CCR6: variants seen among roughly 807,000 people sequenced by gnomAD.
CCR6 encodes C-C chemokine receptor type 6.
In CCR6, 2 loss-of-function variants were observed where a neutral mutation model predicts 3.0. That is an observed-to-expected ratio of 0.66 (90% CI 0.27 to 2.07). The LOEUF (loss-of-function observed/expected upper bound fraction) is 2.07, where lower values mean the gene tolerates loss of function less well. CCR6 is among the 30% of genes most tolerant of loss of function. CCR6 has a pLI of 0.14. For synonymous variants in CCR6, 193 were observed against 184.3 expected, an observed-to-expected ratio of 1.05 and a Z score of -0.38; for missense variants, 322 against 462.8, an observed-to-expected ratio of 0.70 and a Z score of 2.79.
intron 1 of CCR6, among the ~76,000 whole-genome samples, chr6:167,130,820 G>T (rs1404105537): frequency 1.3e-5 from 2 of 151,194 alleles, no homozygotes; most frequent in African/African-American, 4.9e-5. Context: ...AATTAAAGTA[G>T]TGTCTTATGA....
chr6:167,117,409 T>TTCTTTC (rs1562554698), intron 1 of CCR6, among the ~76,000 whole-genome samples: 1 of 132,494 alleles, frequency 7.5e-6, no homozygotes, highest in African/African-American at 2.9e-5. Context: ...TTTTCTTTTT[T>TTCTTTC]TTTTTCTTTT....
chr6:167,123,466 C>T (rs977668179), intron 1 of CCR6, among the ~76,000 whole-genome samples: 3 of 152,168 alleles, frequency 2.0e-5, no homozygotes, highest in African/African-American at 2.4e-5. Context: ...ACTGGAGCTT[C>T]GGTGATGGTC....
At chr6:167,117,571 C>T (rs1051718041) in intron 1 of CCR6, among the ~76,000 whole-genome samples, 18 of 151,804 alleles carry the variant, frequency 1.2e-4, no homozygotes, top group South Asian at 6.3e-4. Flanking sequence ...CGCGCGCCAC[C>T]ACGCCCGGCT....
chr6:167,112,804 C>G (rs2114906580), intron 1 of CCR6, among the ~76,000 whole-genome samples: 1 of 152,174 alleles, frequency 6.6e-6, no homozygotes, highest in South Asian at 2.1e-4. Flanking sequence ...CCAGAGCCAG[C>G]CTCGTGGAAT....
At position 167,133,930 on chromosome 6, in the gene CCR6, GTGTATATATA is replaced by G. The variant is rs1276833331; in HGVS notation, c.-97-2106_-97-2097del. 0.011 allele frequency among the ~76,000 whole-genome samples: 329 copies of G among 29,046 alleles called. 5 individuals are homozygous for G. In the South Asian group the frequency reaches 0.12, roughly 11 times the overall value. The allele number at this position is 29,046 out of a possible 152,430, so 19.1% of individuals were successfully genotyped here. On this transcript the variant is annotated intron_variant, in intron 1 of 2. Coordinates refer to ENST00000341935, the MANE Select transcript of CCR6 (RefSeq NM_031409.4). ...TGATACTATTATATATGATATATGT[GTGTATATATA>G]TATATATATATATATATATATATAT...
At chr6:167,121,431 G>A (rs1781584983), upstream of CCR6, 1 of 152,356 alleles carries the variant, frequency 6.6e-6, no homozygotes, top group African/African-American at 2.4e-5. Flanking sequence ...CGCTAAGCAA[G>A]ACCATCCAAG....
chr6:167,124,321 CAA>C (rs920681716), intron 1 of CCR6, among the ~76,000 whole-genome samples: 1 of 137,928 alleles, frequency 7.3e-6, no homozygotes. Flanking sequence ...CGGGGGAAAA[CAA>C]AAAAAAAATC....
rs1562561818 is a variant in CCR6 at position 167,137,106 on chromosome 6, G to T, written c.876G>T (p.Lys292Asn). The change falls in exon 3 of 3, where the codon AAG (lysine) becomes AAT (asparagine). Residue 292 changes from lysine (K) to asparagine (N), a missense_variant. Lys to Asn is a moderately conservative substitution (Grantham distance 94). Coordinates refer to ENST00000341935, the MANE Select transcript of CCR6 (RefSeq NM_031409.4). This position sits in a 1 kb window ranked among gnomAD's most constrained non-coding sequence, Gnocchi z 4.6. ...GKMNRSCQSE[K>N]LIGYTKTVTE... ...TGAACCGATCCTGCCAGAGCGAAAA[G>T]CTAATTGGCTATACGAAAACTGTCA... The T allele has an allele frequency of 1.2e-6, 2 of 1,614,178 alleles. No individual in the cohort carries two copies. Among genetic ancestry groups the T allele is most frequent in the Non-Finnish European group, 1.7e-6 (2 of 1,180,044 alleles).
At chr6:167,116,161 A>G (rs750931444) in intron 1 of CCR6, 3 of 152,264 alleles carry the variant, frequency 2.0e-5, no homozygotes, top group African/African-American at 7.2e-5. Flanking sequence ...CCAGGGTCCA[A>G]CTGCAAGAAG....
rs1781896592 is a variant in CCR6 at position 167,139,118 on chromosome 6, T to TA, written c.*1769dup. Reference sequence around the variant, plus strand: ...AAAGCATGGCTTTGGCTTTGCAAAATAAAAAATGTGTTTTGTACATGAAGT... The same window carrying TA: ...AAAGCATGGCTTTGGCTTTGCAAAATAAAAAAATGTGTTTTGTACATGAAGT... On this transcript the variant is annotated 3_prime_UTR_variant, in exon 3 of 3. Coordinates refer to ENST00000341935, the MANE Select transcript of CCR6 (RefSeq NM_031409.4). The TA allele has an allele frequency of 6.6e-6, 1 of 152,268 alleles. No individual in the cohort carries two copies. The highest frequency in any genetic ancestry group is 1.5e-5 in the Non-Finnish European group (1 of 67,992). 9.4% of individuals were successfully genotyped at this position (152,268 alleles called of 1,614,324 possible).
intron 1 of CCR6, among the ~76,000 whole-genome samples, chr6:167,134,408 C>A (rs1389948347): frequency 6.6e-6 from 1 of 152,170 alleles, no homozygotes; most frequent in African/African-American, 2.4e-5. Flanking sequence ...TGACTCCATA[C>A]CTTCCTCCAG....
intron 1 of CCR6, among the ~76,000 whole-genome samples, chr6:167,135,451 G>C (rs1403307568): frequency 6.6e-6 from 1 of 152,236 alleles, no homozygotes; most frequent in Non-Finnish European, 1.5e-5. Flanking sequence ...GGAGCAGCTT[G>C]TTCAGTGTGT....
chr6:167,112,035 G>C (rs1486306136), intron 1 of CCR6: 1 of 151,554 alleles, frequency 6.6e-6, no homozygotes, highest in Non-Finnish European at 1.5e-5. Flanking sequence ...TTTTTGTCTT[G>C]GAACTTAGAA....
chr6:167,114,096 C>A (rs1441428094), intron 1 of CCR6, among the ~76,000 whole-genome samples: 3 of 152,240 alleles, frequency 2.0e-5, no homozygotes. Flanking sequence ...CAGACAGGAT[C>A]AAGATGCAAA....
Position 167,113,346 on chromosome 6 carries a change from G to A in CCR6, c.-98+1332G>A, listed in dbSNP as rs145106259. On this transcript the variant is annotated intron_variant, in intron 1 of 2. Coordinates refer to the CCR6 transcript ENST00000400926. ...TTATTGGAAGCAGCACATTCAGTGG[G>A]AATGTCACCTGCTGGAGTCAGGCAC... 2.7e-3 allele frequency among the ~76,000 whole-genome samples: 417 copies of A among 152,306 alleles called. 3 individuals carry two copies. Among genetic ancestry groups the A allele is most frequent in the African/African-American group, 9.8e-3 (406 of 41,556 alleles).
chr6:167,132,763 A>ACTCC (rs1403956076), intron 1 of CCR6, among the ~76,000 whole-genome samples: 1 of 152,052 alleles, frequency 6.6e-6, no homozygotes, highest in Non-Finnish European at 1.5e-5. Flanking sequence ...ATGGTCTCGA[A>ACTCC]CTCCTGGACT....
At position 167,136,119 on chromosome 6, in the gene CCR6, A is replaced by AT. The variant is rs1781845877; in HGVS notation, c.-10dup. ...ACTCCTTTTTCTACAACCAGCTTGC[A>AT]TTTTTTCTGCCCACAATGAGCGGGG... On this transcript the variant is annotated 5_prime_UTR_variant, in exon 2 of 3. Coordinates refer to ENST00000341935, the MANE Select transcript of CCR6 (RefSeq NM_031409.4). This position sits in a 1 kb window ranked among gnomAD's most constrained non-coding sequence, Gnocchi z 4.6. 5 of 1,613,290 alleles carry AT rather than the reference A, an allele frequency of 3.1e-6. No homozygotes were observed. Among genetic ancestry groups the AT allele is most frequent in the South Asian group, 1.1e-5 (1 of 90,848 alleles).
At chr6:167,121,945 C>T (rs1469098408), upstream of CCR6, among the ~76,000 whole-genome samples, 1 of 152,152 alleles carries the variant, frequency 6.6e-6, no homozygotes, top group Non-Finnish European at 1.5e-5. Flanking sequence ...GGACCCTGGA[C>T]AAACCCGGGA....
intron 1 of CCR6, chr6:167,131,109 CCTT>C (rs1781756990): frequency 6.6e-6 from 1 of 152,228 alleles, no homozygotes; most frequent in Non-Finnish European, 1.5e-5. Context: ...CCAGTGCTGG[CCTT>C]CTGTTCACCA....
Sources: gnomAD v4.1 joint callset for allele counts (sites outside exome capture counted in the v4.1 genomes callset) on GRCh38, gnomAD v4.1.1 for gene constraint, Gnocchi (gnomAD v3.1) non-coding constraint, MANE v1.5 for transcripts, NCBI Gene and HGNC (gene_info 2026-07-23, HGNC 2026-07-21) for gene names.